Variants in PAQR5 observed in about 807,000 individuals in gnomAD.
PAQR5 encodes progestin and adipoQ receptor family member 5, also known as membrane progestin receptor gamma.
Under a neutral mutation model 34.5 loss-of-function variants are expected in PAQR5, and 20 were observed. The ratio of observed to expected loss-of-function variants is 0.58; its 90% CI spans 0.41 to 0.84. The LOEUF is 0.84. Among genes scored for constraint, PAQR5 ranks in the 40% least tolerant of loss-of-function variants. The pLI is 0.00. For synonymous variants in PAQR5, 131 were observed against 155.6 expected (o/e 0.84, Z 1.18); for missense variants, 378 against 412.7 (o/e 0.92, Z 0.73).
intron 4 of PAQR5, among the ~76,000 whole-genome samples, chr15:69,382,364 C>T (rs1034776805): frequency 3.3e-5 from 5 of 151,906 alleles, no homozygotes; most frequent in South Asian, 2.1e-4. Flanking sequence ...ATTTGACAGG[C>T]GGCCGGGCGC....
At chr15:69,372,344 G>C (rs993649595) in intron 3 of PAQR5, among the ~76,000 whole-genome samples, 1 of 152,054 alleles carries the variant, frequency 6.6e-6, no homozygotes, top group East Asian at 1.9e-4. Context: ...AGGAGTTCAA[G>C]ACCAGCCTGG....
At chr15:69,341,149 T>G (rs2140731106) in intron 2 of PAQR5, among the ~76,000 whole-genome samples, 1 of 152,002 alleles carries the variant, frequency 6.6e-6, no homozygotes, top group African/African-American at 2.4e-5. Context: ...AAACTACGTA[T>G]CCCTTAAACA....
chr15:69,360,028 C>G lies in PAQR5; in HGVS notation c.-53C>G. 7.7e-6 allele frequency: 11 copies of G among 1,436,446 alleles called. No individual in the cohort carries two copies. The highest frequency in any genetic ancestry group is 1.1e-5 in the Non-Finnish European group (11 of 1,019,172). 89.0% of individuals were successfully genotyped at this position (1,436,446 alleles called of 1,614,324 possible). A position where few individuals can be genotyped will look rare whatever the true frequency, so the allele number is the denominator to read the frequency against. On this transcript the variant is annotated 5_prime_UTR_variant, in exon 3 of 9. Coordinates refer to ENST00000395407, the MANE Select transcript of PAQR5 (RefSeq NM_017705.4). Reference sequence around the variant, plus strand: ...GGCCATGTTAGAGCTTTGAGTGAGGCCTGGTAACAGGGAGGCGCTGTCACC... The same window carrying G: ...GGCCATGTTAGAGCTTTGAGTGAGGGCTGGTAACAGGGAGGCGCTGTCACC...
At chr15:69,365,311 T>C (rs2055373234) in intron 3 of PAQR5, among the ~76,000 whole-genome samples, 1 of 151,710 alleles carries the variant, frequency 6.6e-6, no homozygotes, top group Non-Finnish European at 1.5e-5. Context: ...TTTCATCATG[T>C]TGGCCAGGCT....
intron 2 of PAQR5, among the ~76,000 whole-genome samples, chr15:69,339,070 C>G (rs1185442936): frequency 6.6e-6 from 1 of 151,712 alleles, no homozygotes; most frequent in African/African-American, 2.4e-5. Flanking sequence ...CTCCTCTGAT[C>G]TTGTGGGCCC....
At chr15:69,320,133 G>A (rs533587324) in intron 1 of PAQR5, among the ~76,000 whole-genome samples, 13 of 152,352 alleles carry the variant, frequency 8.5e-5, no homozygotes, top group South Asian at 2.1e-4. Context: ...CAGGGGCTTC[G>A]CCCTTTCCCA....
rs905455652 is a variant in PAQR5, at chr15:69,326,249, C to A, written c.-276-11092C>A. ...CACCAGGGCTCCAAACTCCCCAAAGCTCCCAGCCAAGCCTGGCAGGAGTAG... is the reference window on the plus strand; with the variant it reads ...CACCAGGGCTCCAAACTCCCCAAAGATCCCAGCCAAGCCTGGCAGGAGTAG... On this transcript the variant is annotated intron_variant, in intron 1 of 8. Coordinates refer to ENST00000395407, the MANE Select transcript of PAQR5 (RefSeq NM_017705.4). 3.9e-5 allele frequency among the ~76,000 whole-genome samples: 6 copies of A among 152,264 alleles called. No individual in the cohort carries two copies. In the East Asian group the frequency reaches 1.2e-3, roughly 29 times the overall value.
intron 5 of PAQR5, among the ~76,000 whole-genome samples, chr15:69,386,277 TAC>T (rs764431340): frequency 2.0e-4 from 30 of 149,132 alleles, no homozygotes; most frequent in South Asian, 4.3e-4. Context: ...ACCACATACA[TAC>T]ACACACACCA....
intron 8 of PAQR5, among the ~76,000 whole-genome samples, chr15:69,402,852 T>G (rs910971537): frequency 5.3e-5 from 8 of 152,146 alleles, no homozygotes; most frequent in Non-Finnish European, 1.0e-4. Flanking sequence ...ACCCTAGGCA[T>G]TGGATTTGTT....
At chr15:69,394,533 G>A (rs1202615800) in intron 6 of PAQR5, among the ~76,000 whole-genome samples, 1 of 152,212 alleles carries the variant, frequency 6.6e-6, no homozygotes, top group African/African-American at 2.4e-5. Context: ...CCCTAGTTCC[G>A]GAATTCCAGT....
At chr15:69,364,554 A>ACATTATATATGTTATATATACAT (rs1567022336) in intron 3 of PAQR5, among the ~76,000 whole-genome samples, 1 of 148,228 alleles carries the variant, frequency 6.7e-6, no homozygotes, top group African/African-American at 2.5e-5. Context: ...TTATATATAT[A>ACATTATATATGTTATATATACAT]TAACGAGTTG....
At chr15:69,370,801 G>A (rs1473549375) in intron 3 of PAQR5, among the ~76,000 whole-genome samples, 1 of 152,178 alleles carries the variant, frequency 6.6e-6, no homozygotes, top group Non-Finnish European at 1.5e-5. Flanking sequence ...GATTACAGGA[G>A]TGAACCACTG....
At chr15:69,346,610 G>A (rs1170125417) in intron 2 of PAQR5, among the ~76,000 whole-genome samples, 5 of 145,548 alleles carry the variant, frequency 3.4e-5, no homozygotes, top group Non-Finnish European at 6.0e-5. Context: ...GAGCTACCAC[G>A]TCCAGCTGCA....
intron 1 of PAQR5, among the ~76,000 whole-genome samples, chr15:69,305,053 A>T (rs539005292): frequency 9.9e-5 from 15 of 152,248 alleles, no homozygotes; most frequent in Admixed American, 8.5e-4. Flanking sequence ...GCTTGGATTC[A>T]TCATGGTGTC....
rs143753976 is a variant in PAQR5 at position 69,403,554 on chromosome 15, C to A, written c.752-27C>A. 434 of 1,611,492 alleles carry A rather than the reference C, an allele frequency of 2.7e-4. 2 individuals carry two copies. In the African/African-American group the frequency reaches 4.8e-3, roughly 18 times the overall value. On this transcript the variant is annotated intron_variant, in intron 8 of 8. Coordinates refer to ENST00000395407, the MANE Select transcript of PAQR5 (RefSeq NM_017705.4). ...GTACTCATTCCTTTTCATTGCTGATCTTGACGGCCTTTTGTGTTTGCCATA... is the reference window on the plus strand; with the variant it reads ...GTACTCATTCCTTTTCATTGCTGATATTGACGGCCTTTTGTGTTTGCCATA...
chr15:69,322,769 A>AGAAGAAGAAGAT (rs1566997979), intron 1 of PAQR5, among the ~76,000 whole-genome samples: 1 of 29,614 alleles, frequency 3.4e-5, no homozygotes, highest in African/African-American at 1.1e-4. Context: ...AAGAAGAAGA[A>AGAAGAAGAAGAT]GAGGGAGAAG....
At chr15:69,381,673 CAG>C (rs1220080752) in intron 4 of PAQR5, among the ~76,000 whole-genome samples, 2 of 152,138 alleles carry the variant, frequency 1.3e-5, no homozygotes, top group African/African-American at 4.8e-5. Flanking sequence ...GACTGAGCAA[CAG>C]AGAGTAGCAG....
At chr15:69,391,387 C>T (rs925147369) in intron 6 of PAQR5, 6 of 168,438 alleles carry the variant, frequency 3.6e-5, no homozygotes, top group Admixed American at 3.2e-4. Flanking sequence ...TGTTCCAATT[C>T]GCCTTCCATT....
intron 3 of PAQR5, among the ~76,000 whole-genome samples, chr15:69,374,295 A>G (rs1474715301): frequency 6.6e-6 from 1 of 152,210 alleles, no homozygotes; most frequent in Non-Finnish European, 1.5e-5. Context: ...TCCTATGGGA[A>G]CTAAGCATGG....
Sources: allele counts gnomAD v4.1 joint callset (sites outside exome capture counted in the v4.1 genomes callset), GRCh38; gene constraint gnomAD v4.1.1; transcripts MANE v1.5; gene names NCBI Gene and HGNC (gene_info 2026-07-23, HGNC 2026-07-21).